ODF2: variants seen among roughly 807,000 people sequenced by gnomAD.
The protein encoded by ODF2 is outer dense fiber of sperm tails 2, also known as outer dense fiber protein 2.
A neutral mutation model predicts 110.2 loss-of-function variants in ODF2; 47 were observed. The ratio of observed to expected loss-of-function variants is 0.43; its 90% CI spans 0.34 to 0.54. ODF2 has a LOEUF of 0.54. Among genes scored for constraint, ODF2 ranks in the 20% least tolerant of loss-of-function variants. The probability of loss-of-function intolerance (pLI) is 0.03; values close to 1 mark genes in which losing one functional copy is unlikely to be tolerated. For synonymous variants in ODF2, 352 were observed against 397.7 expected (o/e 0.89, Z 1.37); for missense variants, 812 against 1,054.5 (o/e 0.77, Z 3.19).
At chr9:128,460,204 A>G (rs1205098477) in intron 3 of ODF2, 2 of 1,308,998 alleles carry the variant, frequency 1.5e-6, no homozygotes, top group East Asian at 1.0e-4. Context: ...GCTGTGCTTC[A>G]CTAAATCCAA....
In ODF2 at chr9:128,494,785, A is replaced by C; in HGVS notation, c.1911+117A>C. The C allele has an allele frequency of 6.3e-7, 1 of 1,591,100 alleles. No individual in the cohort carries two copies. The highest frequency in any genetic ancestry group is 8.5e-7 in the Non-Finnish European group (1 of 1,169,764). ...TCCTTTTTCTTGGCTGCTGCTTTTT[A>C]AAAGGAGTGAGCTATCATCAGTGCT... On this transcript the variant is annotated intron_variant, in intron 17 of 20. Coordinates refer to ENST00000604420, the Ensembl canonical transcript of ODF2. The surrounding 1 kb of genome is among the most constrained non-coding windows in gnomAD (Gnocchi z 4.6).
intron 14 of ODF2, among the ~76,000 whole-genome samples, chr9:128,489,748 C>G (rs772225762): frequency 6.6e-6 from 1 of 152,054 alleles, no homozygotes; most frequent in Non-Finnish European, 1.5e-5. Flanking sequence ...GTAGAATTGC[C>G]AGGTCATCAT....
chr9:128,490,648 GT>G (rs1214278288), intron 14 of ODF2, among the ~76,000 whole-genome samples: 1 of 152,122 alleles, frequency 6.6e-6, no homozygotes, highest in Admixed American at 6.6e-5. Flanking sequence ...TTACAGAAAT[GT>G]GATGTAGACA....
At chr9:128,472,989 G>A in exon 7 of ODF2, 3 of 1,614,140 alleles carry the variant, frequency 1.9e-6, no homozygotes, top group Non-Finnish European at 2.5e-6. Context: ...GGATGGGGCT[G>A]CGGCTGCCAA....
Position 128,480,710 on chromosome 9 carries a change from G to A in ODF2, c.844-870G>A, listed in dbSNP as rs565010444. On this transcript the variant is annotated intron_variant, in intron 8 of 20. Coordinates refer to ENST00000604420, the Ensembl canonical transcript of ODF2. ...CAGTTATCTGTAATCCCAGCTACTC[G>A]GGAGGCTGAGGCAGGAGAATCGCTT... Among the ~76,000 whole-genome samples the A allele has an allele frequency of 1.2e-3, 184 of 152,180 alleles. 1 individual carries two copies. The East Asian group carries it at 0.024, about 20-fold the overall frequency.
intron 6 of ODF2, among the ~76,000 whole-genome samples, chr9:128,472,620 C>T (rs1840309864): frequency 1.3e-5 from 2 of 152,148 alleles, no homozygotes; most frequent in South Asian, 4.1e-4. Context: ...CGTAGGAGGG[C>T]GTGACAGTGG....
At chr9:128,499,544 C>G (rs1262738916) in intron 20 of ODF2, among the ~76,000 whole-genome samples, 4 of 152,178 alleles carry the variant, frequency 2.6e-5, no homozygotes, top group African/African-American at 9.7e-5. Flanking sequence ...ATCTGCCCAT[C>G]ATGGCCTCCC....
chr9:128,482,305 C>T (rs962120781), intron 9 of ODF2, among the ~76,000 whole-genome samples: 3 of 152,208 alleles, frequency 2.0e-5, no homozygotes, highest in African/African-American at 7.2e-5. Context: ...ATGCAGCAAG[C>T]TCGGCGATAA....
intron 8 of ODF2, among the ~76,000 whole-genome samples, chr9:128,480,826 AAAAAAAAT>A (rs1842255979): frequency 4.1e-5 from 1 of 24,610 alleles, no homozygotes; most frequent in Non-Finnish European, 3.0e-4. Context: ...TCTAAAAAAT[AAAAAAAAT>A]TAAAAAAAAT....
chr9:128,463,258 CAAACA>C (rs762160163), intron 4 of ODF2, among the ~76,000 whole-genome samples: 48 of 152,226 alleles, frequency 3.2e-4, no homozygotes, highest in Admixed American at 1.3e-3. Flanking sequence ...GACCCTGTCT[CAAACA>C]AAACAAAACA....
In ODF2 at chr9:128,482,811, C is replaced by T. The variant is rs375916703; in HGVS notation, c.916-5C>T. The T allele has an allele frequency of 3.0e-5, 48 of 1,613,342 alleles. No individual in the cohort carries two copies. Among genetic ancestry groups the T allele is most frequent in the Non-Finnish European group, 4.0e-5 (47 of 1,179,668 alleles). ...GGGCACCTGACAGCCTGTGTTCTCT[C>T]CCAGCGCCTGCTGTTACTGCTGCAA... On this transcript the variant is annotated splice_region_variant and splice_polypyrimidine_tract_variant and intron_variant, in intron 9 of 20. Coordinates refer to ENST00000604420, the Ensembl canonical transcript of ODF2.
chr9:128,471,293 G>T lies in ODF2; in HGVS notation c.421-15G>T. ...ACCTCCCTTCAGTGGCCCCTGCCTG[G>T]GTCCCCCTGCTCAGGTCAAGATGCA... On this transcript the variant is annotated splice_polypyrimidine_tract_variant and intron_variant, in intron 5 of 20. Transcript: ENST00000604420. 1 of 1,591,450 alleles carries T rather than the reference G, an allele frequency of 6.3e-7. No homozygotes were observed. Among genetic ancestry groups the T allele is most frequent in the Non-Finnish European group, 8.5e-7 (1 of 1,171,892 alleles).
At chr9:128,467,043 A>G (rs1300446853) in intron 4 of ODF2, among the ~76,000 whole-genome samples, 1 of 119,296 alleles carries the variant, frequency 8.4e-6, no homozygotes, top group Non-Finnish European at 1.7e-5. Flanking sequence ...ATATATATAT[A>G]TATATATATA....
At chr9:128,477,103 G>A (rs148363290) in intron 8 of ODF2, among the ~76,000 whole-genome samples, 11 of 151,682 alleles carry the variant, frequency 7.3e-5, no homozygotes, top group African/African-American at 2.4e-4. Flanking sequence ...AATGTGATGG[G>A]TACCCGTAAT....
chr9:128,473,236 C>G, intron 7 of ODF2, 194 bp downstream of exon 7: 5 of 985,280 alleles, frequency 5.1e-6, no homozygotes, highest in Non-Finnish European at 6.0e-6. Context: ...CCTCTGGTCA[C>G]CAGGGCCTCT....
intron 5 of ODF2, among the ~76,000 whole-genome samples, chr9:128,469,999 AAAAAAAAAAAAAAAAAAAAATATATAT>A (rs1839342806): frequency 4.3e-5 from 2 of 46,760 alleles, no homozygotes; most frequent in South Asian, 1.3e-3. Flanking sequence ...AAAAAAAAAA[AAAAAAAAAAAAAAAAAAAAATATATAT>A]ATATATATAT....
At position 128,472,896 on chromosome 9, in the gene ODF2, C is replaced by T. The variant is rs779783124; in HGVS notation, c.582-17C>T. On this transcript the variant is annotated splice_polypyrimidine_tract_variant and intron_variant, in intron 6 of 20. Transcript: ENST00000604420. The stretch of plus-strand genomic sequence containing the variant: ...GGGGGCCTGGGAGGGCTCACAGAGC[C>T]GTCTTTCTGGCCCCAGACTTCAGAA... 10 of 1,613,420 alleles carry T rather than the reference C, an allele frequency of 6.2e-6. No homozygotes were observed. Among genetic ancestry groups the T allele is most frequent in the African/African-American group, 1.3e-5 (1 of 74,918 alleles).
rs1454880339 is a variant in ODF2 at position 128,497,468 on chromosome 9, T to A, written c.2013-945T>A. ...AAAAATATATATATATATATATATATATATATATATATATATATGTATAAA... is the reference window on the plus strand; with the variant it reads ...AAAAATATATATATATATATATATAAATATATATATATATATATGTATAAA... On this transcript the variant is annotated intron_variant, in intron 18 of 20. Transcript: ENST00000604420. 43 of 102,312 alleles carry A rather than the reference T, an allele frequency of 4.2e-4. 1 individual carries two copies. The highest frequency in any genetic ancestry group is 8.7e-4 in the East Asian group (3 of 3,458). The allele number at this position is 102,312 out of a possible 1,614,324, so 6.3% of individuals were successfully genotyped here.
chr9:128,461,557 T>C (rs1273740972), intron 4 of ODF2, among the ~76,000 whole-genome samples: 1 of 152,164 alleles, frequency 6.6e-6, no homozygotes, highest in Non-Finnish European at 1.5e-5. Flanking sequence ...TAGCTGGGAC[T>C]ACAGGCGCCC....
Sources: gnomAD v4.1 joint callset for allele counts (sites outside exome capture counted in the v4.1 genomes callset) on GRCh38, gnomAD v4.1.1 for gene constraint, Gnocchi (gnomAD v3.1) non-coding constraint, MANE v1.5 for transcripts, NCBI Gene and HGNC (gene_info 2026-07-23, HGNC 2026-07-21) for gene names.